The following NLGN4X variants were observed in gnomAD, a reference collection of about 807,000 sequenced individuals.
NLGN4X encodes neuroligin 4 X-linked, also known as neuroligin-4, X-linked.
NLGN4X carries 3 observed loss-of-function variants against 40.3 expected under a neutral mutation model. The ratio of observed to expected loss-of-function variants is 0.07; its 90% CI spans 0.03 to 0.19. The LOEUF is 0.19. Ranked by LOEUF, NLGN4X falls within the 10% of genes least tolerant of loss-of-function variation. NLGN4X has a pLI of 1.00. For missense variants in NLGN4X, 382 were observed against 708.3 expected (o/e 0.54, Z 5.23); for synonymous variants, 270 against 306.8 (o/e 0.88, Z 1.25).
chrX:6,032,957 G>C (rs780224595), intron 2 of NLGN4X, among the ~76,000 whole-genome samples: 20 of 110,945 alleles, frequency 1.8e-4, no homozygotes, highest in Admixed American at 1.6e-3. Flanking sequence ...AAGATGTCAA[G>C]AAGAACAAAT....
chrX:6,128,330 G>C (rs2147609624), intron 2 of NLGN4X, among the ~76,000 whole-genome samples: 1 of 111,656 alleles, frequency 9.0e-6, no homozygotes, highest in African/African-American at 3.3e-5. Flanking sequence ...CAACAAAACT[G>C]AGATGCAATA....
intron 2 of NLGN4X, among the ~76,000 whole-genome samples, chrX:6,112,798 T>C (rs956640861): frequency 1.5e-4 from 17 of 109,967 alleles, no homozygotes; most frequent in African/African-American, 5.6e-4. Context: ...TTCCACAGGG[T>C]ACAGTATAGA....
In NLGN4X at chrX:6,112,018, G is replaced by A. The variant is rs755983492; in HGVS notation, c.472+38977C>T. Among the ~76,000 whole-genome samples the A allele has an allele frequency of 1.5e-3, 167 of 112,073 alleles. 1 individual carries two copies. Among genetic ancestry groups the A allele is most frequent in the Non-Finnish European group, 2.6e-3 (136 of 53,232 alleles). On this transcript the variant is annotated intron_variant, in intron 2 of 5. Transcript: ENST00000381095. Reference sequence around the variant, plus strand: ...ATAACCTGGCTTCTTGTATGTCAAAGTTAACTAGAAAATACTTATATGCTA... The same window carrying A: ...ATAACCTGGCTTCTTGTATGTCAAAATTAACTAGAAAATACTTATATGCTA...
intron 4 of NLGN4X, among the ~76,000 whole-genome samples, chrX:5,906,781 TG>T (rs2032209300): frequency 9.0e-6 from 1 of 111,711 alleles, no homozygotes; most frequent in Admixed American, 9.5e-5. Context: ...CCCAAAGTGC[TG>T]GGATAACAGC....
chrX:5,961,455 G>T (rs2034661478), intron 3 of NLGN4X, among the ~76,000 whole-genome samples: 2 of 112,012 alleles, frequency 1.8e-5, no homozygotes, highest in African/African-American at 6.5e-5. Flanking sequence ...TCATCGACAT[G>T]CTAAGTTCTC....
chrX:5,964,316 A>C (rs1239822665), intron 3 of NLGN4X, among the ~76,000 whole-genome samples: 1 of 111,998 alleles, frequency 8.9e-6, no homozygotes, highest in Non-Finnish European at 1.9e-5. Flanking sequence ...AGGAGACAAA[A>C]ATAATAGTAA....
intron 3 of NLGN4X, among the ~76,000 whole-genome samples, chrX:6,018,163 C>CAT (rs749422098): frequency 9.3e-6 from 1 of 107,398 alleles, no homozygotes; most frequent in Non-Finnish European, 1.9e-5. Context: ...TGTATGTACA[C>CAT]ATATATGTAT....
intron 3 of NLGN4X, among the ~76,000 whole-genome samples, chrX:6,001,896 C>T (rs1392330142): frequency 1.8e-5 from 2 of 111,597 alleles, no homozygotes; most frequent in African/African-American, 6.5e-5. Flanking sequence ...GTTTTAATCT[C>T]ATTTGAAAAC....
chrX:5,928,772 T>C (rs1238539726), intron 3 of NLGN4X, among the ~76,000 whole-genome samples: 1 of 111,874 alleles, frequency 8.9e-6, no homozygotes. Context: ...ACTTGGTACA[T>C]TGAAATTTAA....
intron 2 of NLGN4X, among the ~76,000 whole-genome samples, chrX:6,038,485 T>C (rs1440102436): frequency 9.7e-5 from 11 of 113,092 alleles, no homozygotes. Context: ...ATTTGAAAGA[T>C]GACCTTCAGA....
At chrX:5,989,088 AAAAAT>A (rs1479507167) in intron 3 of NLGN4X, among the ~76,000 whole-genome samples, 1 of 95,365 alleles carries the variant, frequency 1.0e-5, no homozygotes, top group East Asian at 3.3e-4. Flanking sequence ...AAAAAATAAA[AAAAAT>A]AAAAAAAAAA....
At chrX:5,896,494 C>T (rs1333193302) in intron 5 of NLGN4X, among the ~76,000 whole-genome samples, 3 of 111,798 alleles carry the variant, frequency 2.7e-5, no homozygotes, top group Non-Finnish European at 5.6e-5. Flanking sequence ...AAATTAAAGA[C>T]TATAATGATT....
At chrX:6,081,866 T>A (rs935600973) in intron 2 of NLGN4X, among the ~76,000 whole-genome samples, 1 of 112,307 alleles carries the variant, frequency 8.9e-6, no homozygotes, top group Non-Finnish European at 1.9e-5. Flanking sequence ...TATTTTCCAG[T>A]CTGGAGGCGG....
intron 3 of NLGN4X, among the ~76,000 whole-genome samples, chrX:5,981,507 G>A (rs933263444): frequency 5.6e-5 from 6 of 107,573 alleles, no homozygotes; most frequent in African/African-American, 2.0e-4. Context: ...TAGATAATGA[G>A]ATTTTTTAAA....
chrX:5,891,389 T>C lies in NLGN4X; in HGVS notation c.*1428A>G. ...GTGATGTTTTCAGACAATCATATGT[T>C]TGATCCCATAAATGATATAAAAGAT... is the stretch of plus-strand genomic sequence containing the variant. On this transcript the variant is annotated 3_prime_UTR_variant, in exon 6 of 6. Coordinates refer to ENST00000381095, the MANE Select transcript of NLGN4X (RefSeq NM_181332.3). The C allele has an allele frequency of 4.5e-6, 1 of 220,161 alleles. No homozygotes were observed. Among genetic ancestry groups the C allele is most frequent in the Non-Finnish European group, 8.3e-6 (1 of 121,067 alleles). 18.1% of individuals were successfully genotyped at this position (220,161 alleles called of 1,213,427 possible).
rs770366329 is a variant in NLGN4X, at chrX:6,228,065, CCTT to C, written c.-306+473_-306+475del. ...CATCTCCAGCCCTGGCCGCTTCTCT[CCTT>C]CTTCTCCCTGTACTGCAGATACATA... is the stretch of plus-strand genomic sequence containing the variant. On this transcript the variant is annotated intron_variant, in intron 1 of 5. Transcript: ENST00000381095. Among the ~76,000 whole-genome samples, 847 of 110,492 alleles carry C rather than the reference CCTT, an allele frequency of 7.7e-3. 8 individuals are homozygous for C. The highest frequency in any genetic ancestry group is 0.013 in the Non-Finnish European group (706 of 52,825).
intron 3 of NLGN4X, among the ~76,000 whole-genome samples, chrX:5,990,539 T>C (rs1188380235): frequency 4.5e-5 from 5 of 111,945 alleles, no homozygotes; most frequent in Non-Finnish European, 9.4e-5. Flanking sequence ...GGCAGAAGAA[T>C]TATATATAAC....
Position 6,217,599 on chromosome X carries a change from T to C in NLGN4X, c.-306+10942A>G, listed in dbSNP as rs769855902. On this transcript the variant is annotated intron_variant, in intron 1 of 5. Coordinates refer to ENST00000381095, the MANE Select transcript of NLGN4X (RefSeq NM_181332.3). ...TACCGTTTAATCTCTACCATGAACC[T>C]AGATTGTCAGAAGATTTTTTTTTTG... Among the ~76,000 whole-genome samples, 6 of 111,864 alleles carry C rather than the reference T, an allele frequency of 5.4e-5. No individual in the cohort carries two copies. In the East Asian group the frequency reaches 1.7e-3, roughly 32 times the overall value.
intron 3 of NLGN4X, among the ~76,000 whole-genome samples, chrX:5,997,586 G>A (rs6639562): frequency 3.0e-4 from 14 of 46,831 alleles, no homozygotes; most frequent in East Asian, 2.2e-3. Flanking sequence ...GTGTGTGTGT[G>A]TATATATATA....
Sources: allele counts gnomAD v4.1 joint callset (sites outside exome capture counted in the v4.1 genomes callset), GRCh38; gene constraint gnomAD v4.1.1; transcripts MANE v1.5; gene names NCBI Gene and HGNC (gene_info 2026-07-23, HGNC 2026-07-21).